The following GRIN2B variants were observed in gnomAD, a reference collection of about 807,000 sequenced individuals.
GRIN2B encodes glutamate receptor ionotropic, NMDA 2B.
A neutral mutation model predicts 114.5 loss-of-function variants in GRIN2B; 5 were observed. The observed-to-expected ratio is 0.04, with a 90% CI of 0.02 to 0.09. The LOEUF (loss-of-function observed/expected upper bound fraction) is 0.09. Among genes scored for constraint, GRIN2B ranks in the 10% least tolerant of loss-of-function variants. GRIN2B has a pLI of 1.00. For missense variants in GRIN2B, 1,108 were observed against 1,943.5 expected, an observed-to-expected ratio of 0.57 and a Z score of 8.08; for synonymous variants, 787 against 745.1, an observed-to-expected ratio of 1.06 and a Z score of -0.92.
In GRIN2B at chr12:13,738,220, A is replaced by G. The variant is rs373158792; in HGVS notation, c.1010+15097T>C. ...TCAGAAAGCCATTTCATTAAATATA[A>G]TAACAGTGTAGTAATACAAAGAACA... is the stretch of plus-strand genomic sequence containing the variant. On this transcript the variant is annotated intron_variant, in intron 4 of 13. Coordinates refer to ENST00000609686, the MANE Select transcript of GRIN2B (RefSeq NM_000834.5). 1.2e-4 allele frequency among the ~76,000 whole-genome samples: 18 copies of G among 152,358 alleles called. No individual in the cohort carries two copies. In the East Asian group the frequency reaches 2.7e-3, roughly 23 times the overall value.
intron 3 of GRIN2B, among the ~76,000 whole-genome samples, chr12:13,841,116 T>C (rs1320999586): frequency 6.6e-6 from 1 of 152,186 alleles, no homozygotes; most frequent in East Asian, 1.9e-4. Flanking sequence ...AGCCTAGTTG[T>C]AGATAAATGT....
At chr12:13,836,900 T>A (rs1277053599) in intron 3 of GRIN2B, among the ~76,000 whole-genome samples, 2 of 152,340 alleles carry the variant, frequency 1.3e-5, no homozygotes, top group East Asian at 3.9e-4. Flanking sequence ...ATGAGCCCCG[T>A]ACGGCCCGGG....
intron 3 of GRIN2B, among the ~76,000 whole-genome samples, chr12:13,843,300 G>A (rs939771945): frequency 1.3e-5 from 2 of 151,698 alleles, no homozygotes; most frequent in Admixed American, 6.6e-5. Context: ...ACATCTGATT[G>A]CTGATTACTA....
intron 2 of GRIN2B, among the ~76,000 whole-genome samples, chr12:13,942,565 C>T (rs1361626196): frequency 6.6e-6 from 1 of 152,088 alleles, no homozygotes; most frequent in African/African-American, 2.4e-5. Context: ...ACAGAAGATA[C>T]ATATGAACAA....
intron 2 of GRIN2B, among the ~76,000 whole-genome samples, chr12:13,890,112 C>A (rs775795999): frequency 6.6e-6 from 1 of 152,188 alleles, no homozygotes; most frequent in African/African-American, 2.4e-5. Flanking sequence ...TGGGCTGACC[C>A]TGACTATATG....
At chr12:13,755,027 A>G (rs962054908) in intron 3 of GRIN2B, among the ~76,000 whole-genome samples, 19 of 152,146 alleles carry the variant, frequency 1.2e-4, no homozygotes, top group Non-Finnish European at 2.6e-4. Flanking sequence ...CCTCCTGGGT[A>G]ATGGTATGTC....
chr12:13,903,778 C>G (rs1250491891), intron 2 of GRIN2B, among the ~76,000 whole-genome samples: 1 of 151,984 alleles, frequency 6.6e-6, no homozygotes, highest in African/African-American at 2.4e-5. Context: ...ATATCAGTAA[C>G]TGAGAGAAGT....
intron 2 of GRIN2B, among the ~76,000 whole-genome samples, chr12:13,944,804 T>C (rs1867333300): frequency 6.6e-6 from 1 of 152,180 alleles, no homozygotes; most frequent in African/African-American, 2.4e-5. Flanking sequence ...AAATCAAGTA[T>C]TTTTCATCAA....
chr12:13,978,889 C>T lies in GRIN2B; in HGVS notation c.-19+1039G>A, dbSNP rs75541213. On this transcript the variant is annotated intron_variant, in intron 2 of 13. Transcript: ENST00000609686. ...TTCCATTTCTCCTGCTATTTCTCTT[C>T]TCAAGTACATTAAAATACTGCCTAA... Among the ~76,000 whole-genome samples the T allele has an allele frequency of 2.0e-5, 3 of 152,318 alleles. No homozygotes were observed. In the East Asian group the frequency reaches 5.8e-4, roughly 29 times the overall value.
At chr12:13,604,872 G>C (rs1467772758) in intron 10 of GRIN2B, among the ~76,000 whole-genome samples, 1 of 152,184 alleles carries the variant, frequency 6.6e-6, no homozygotes, top group Non-Finnish European at 1.5e-5. Context: ...CATGTTGACA[G>C]ATTCTGGTAG....
At chr12:13,940,933 A>G (rs1867236541) in intron 2 of GRIN2B, among the ~76,000 whole-genome samples, 1 of 152,012 alleles carries the variant, frequency 6.6e-6, no homozygotes, top group South Asian at 2.1e-4. Context: ...CACACCTTAC[A>G]GGGACTTTGG....
intron 5 of GRIN2B, among the ~76,000 whole-genome samples, chr12:13,631,270 A>T (rs1949613537): frequency 6.6e-6 from 1 of 152,184 alleles, no homozygotes; most frequent in Admixed American, 6.5e-5. Context: ...CTGGTCTCAA[A>T]GCAAGAGATT....
intron 4 of GRIN2B, among the ~76,000 whole-genome samples, chr12:13,697,231 A>G (rs1345945423): frequency 6.6e-6 from 1 of 152,144 alleles, no homozygotes; most frequent in African/African-American, 2.4e-5. Context: ...GAAAAGCCTC[A>G]ATTTTCACTT....
chr12:13,626,906 G>C (rs1008223457), intron 5 of GRIN2B, among the ~76,000 whole-genome samples: 5 of 146,346 alleles, frequency 3.4e-5, no homozygotes, highest in African/African-American at 1.3e-4. Flanking sequence ...GTGATCCTGT[G>C]GAGGTTGCCA....
intron 2 of GRIN2B, among the ~76,000 whole-genome samples, chr12:13,920,486 T>C (rs1565587092): frequency 6.6e-6 from 1 of 152,224 alleles, no homozygotes; most frequent in Non-Finnish European, 1.5e-5. Flanking sequence ...ATATTGTTTG[T>C]TGATCCTTAG....
intron 2 of GRIN2B, among the ~76,000 whole-genome samples, chr12:13,874,760 T>C (rs1346166691): frequency 6.6e-6 from 1 of 151,996 alleles, no homozygotes; most frequent in Non-Finnish European, 1.5e-5. Context: ...GCAGTGAAAA[T>C]GAGCAGATGA....
At chr12:13,708,109 A>G (rs1273627559) in intron 4 of GRIN2B, among the ~76,000 whole-genome samples, 1 of 152,118 alleles carries the variant, frequency 6.6e-6, no homozygotes, top group East Asian at 1.9e-4. Flanking sequence ...TCCCAGACCA[A>G]AAGGTGAACA....
intron 10 of GRIN2B, among the ~76,000 whole-genome samples, chr12:13,604,415 A>T (rs1949209343): frequency 6.6e-6 from 1 of 152,218 alleles, no homozygotes; most frequent in South Asian, 2.1e-4. Flanking sequence ...ACTTTTTAAA[A>T]AGCTATAAAT....
Position 13,563,741 on chromosome 12 carries a change from G to C in GRIN2B, c.3497C>G (p.Ser1166Cys), listed in dbSNP as rs866581841. 6.8e-6 allele frequency: 11 copies of C among 1,613,824 alleles called. No individual in the cohort carries two copies. Among genetic ancestry groups the C allele is most frequent in the Non-Finnish European group, 9.3e-6 (11 of 1,180,036 alleles). The change falls in exon 14 of 14, where the codon TCC (serine) becomes TGC (cysteine). Residue 1166 changes from serine (S) to cysteine (C), a missense_variant. By Grantham distance (112) the Ser-to-Cys change is moderately radical. Coordinates refer to ENST00000609686, the MANE Select transcript of GRIN2B (RefSeq NM_000834.5). ...GGTACAGGGCCCTCCTCCGCTGACG[G>C]AGTCGCGCTTAAAGTCATCACTCCG... ...KERSDDFKRD[S>C]VSGGGPCTNR...
Sources: gnomAD v4.1 joint callset for allele counts (sites outside exome capture counted in the v4.1 genomes callset) on GRCh38, gnomAD v4.1.1 for gene constraint, MANE v1.5 for transcripts, NCBI Gene and HGNC (gene_info 2026-07-23, HGNC 2026-07-21) for gene names.